The following PDE1A variants were observed in gnomAD, a reference collection of about 807,000 sequenced individuals.
PDE1A encodes phosphodiesterase 1A.
In PDE1A, 35 loss-of-function variants were observed where a neutral mutation model predicts 61.7. The ratio of observed to expected loss-of-function variants is 0.57; its 90% CI spans 0.43 to 0.75. PDE1A has a LOEUF of 0.75. PDE1A is among the 30% of genes least tolerant of loss of function. The pLI is 0.00. For missense variants in PDE1A, 597 were observed against 630.6 expected, an observed-to-expected ratio of 0.95 and a Z score of 0.57; for synonymous variants, 232 against 213.2, an observed-to-expected ratio of 1.09 and a Z score of -0.77.
At chr2:182,683,759 C>A in the PDE1A span, among the ~76,000 whole-genome samples, 2 of 152,074 alleles carry the variant, frequency 1.3e-5, no homozygotes, top group Admixed American at 1.3e-4. Context: ...AGGTAAAGAC[C>A]TGAAAATCAA....
Position 182,247,328 on chromosome 2 carries a change from T to C in PDE1A, c.168-7036A>G, listed in dbSNP as rs148147658. Among the ~76,000 whole-genome samples, 13 of 152,328 alleles carry C rather than the reference T, an allele frequency of 8.5e-5. No individual in the cohort carries two copies. The East Asian group carries it at 2.5e-3, about 29-fold the overall frequency. On this transcript the variant is annotated intron_variant, in intron 2 of 13. Transcript: ENST00000351439. ...TATTTCTGTCAAATATTAGCTCTTT[T>C]ATGCTCATTTATCACATAGAGAAGA... is the stretch of plus-strand genomic sequence containing the variant.
chr2:182,340,032 G>A (rs1302636951), intron 1 of PDE1A, among the ~76,000 whole-genome samples: 1 of 152,128 alleles, frequency 6.6e-6, no homozygotes, highest in Admixed American at 6.6e-5. Flanking sequence ...AGATGGCTGA[G>A]ATTATACTGT....
intron 2 of PDE1A, among the ~76,000 whole-genome samples, chr2:182,439,479 G>A (rs1684653164): frequency 6.6e-6 from 1 of 151,998 alleles, no homozygotes; most frequent in African/African-American, 2.4e-5. Flanking sequence ...AGAATTGGGA[G>A]TCAGGAGGAG....
chr2:182,193,207 C>T (rs774782483), intron 10 of PDE1A, among the ~76,000 whole-genome samples: 9 of 151,980 alleles, frequency 5.9e-5, no homozygotes, highest in Non-Finnish European at 1.0e-4. Flanking sequence ...AGGTTGGTCT[C>T]GAACTCCTGA....
chr2:182,144,067 T>C (rs573730360), downstream of PDE1A, among the ~76,000 whole-genome samples: 1 of 152,308 alleles, frequency 6.6e-6, no homozygotes, highest in East Asian at 1.9e-4. Flanking sequence ...AAGCCCTGCC[T>C]AAAGATATTC....
At chr2:182,231,870 G>A (rs982389968) in intron 4 of PDE1A, among the ~76,000 whole-genome samples, 1 of 152,016 alleles carries the variant, frequency 6.6e-6, no homozygotes, top group African/African-American at 2.4e-5. Context: ...AGCCAAGATC[G>A]CACTACTGCA....
At chr2:182,605,533 T>C in the PDE1A span, among the ~76,000 whole-genome samples, 37 of 152,256 alleles carry the variant, frequency 2.4e-4, no homozygotes, top group Admixed American at 2.3e-3. Flanking sequence ...ACATCTCCAA[T>C]GGATGGCCTC....
chr2:182,512,864 G>A (rs1160625314), intron 2 of PDE1A, among the ~76,000 whole-genome samples: 2 of 152,124 alleles, frequency 1.3e-5, no homozygotes, highest in Non-Finnish European at 1.5e-5. Context: ...ACAGCTCAAA[G>A]TCCGATTCCT....
intron 2 of PDE1A, among the ~76,000 whole-genome samples, chr2:182,472,876 T>C (rs574211503): frequency 9.9e-5 from 15 of 151,890 alleles, no homozygotes; most frequent in African/African-American, 3.4e-4. Flanking sequence ...GGAGAAGAAC[T>C]TCTTTAACAT....
At chr2:182,515,259 T>C (rs1417686657) in intron 2 of PDE1A, among the ~76,000 whole-genome samples, 4 of 152,358 alleles carry the variant, frequency 2.6e-5, no homozygotes, top group African/African-American at 7.2e-5. Flanking sequence ...TATAATTTAC[T>C]TTTTTGTTGT....
At chr2:182,496,343 T>C (rs1453439780) in intron 2 of PDE1A, among the ~76,000 whole-genome samples, 3 of 152,240 alleles carry the variant, frequency 2.0e-5, no homozygotes, top group Non-Finnish European at 2.9e-5. Context: ...TTTTAGATAA[T>C]CATTCCATTT....
intron 1 of PDE1A, among the ~76,000 whole-genome samples, chr2:182,364,300 C>T (rs948726647): frequency 1.3e-5 from 2 of 151,624 alleles, no homozygotes; most frequent in Admixed American, 6.6e-5. Flanking sequence ...CCCCAGCTTA[C>T]ACCCTATCCC....
the PDE1A span, among the ~76,000 whole-genome samples, chr2:182,591,004 G>A: frequency 6.6e-6 from 1 of 152,152 alleles, no homozygotes; most frequent in Non-Finnish European, 1.5e-5. Flanking sequence ...CATAGAAGAT[G>A]CTCAATATAA....
At chr2:182,714,992 C>T in the PDE1A span, among the ~76,000 whole-genome samples, 469 of 152,308 alleles carry the variant, frequency 3.1e-3, 3 homozygotes, top group African/African-American at 0.011. Context: ...TTTTTAAAAG[C>T]TTCCTCATCA....
chr2:182,511,203 G>A (rs1320060781), intron 2 of PDE1A, among the ~76,000 whole-genome samples: 2 of 151,598 alleles, frequency 1.3e-5, no homozygotes, highest in East Asian at 3.9e-4. Context: ...AGTCAAGATG[G>A]TCAACTAGAT....
intron 10 of PDE1A, among the ~76,000 whole-genome samples, chr2:182,199,658 T>C (rs1460755212): frequency 6.6e-6 from 1 of 152,254 alleles, no homozygotes; most frequent in East Asian, 1.9e-4. Context: ...TTATAATTTT[T>C]AATTGACCAT....
chr2:182,510,177 T>C (rs1689694343), intron 2 of PDE1A, among the ~76,000 whole-genome samples: 1 of 152,084 alleles, frequency 6.6e-6, no homozygotes, highest in Admixed American at 6.5e-5. Flanking sequence ...TAAAATAAAA[T>C]TTGATCTTTT....
chr2:182,296,624 C>T (rs546738736), intron 1 of PDE1A, among the ~76,000 whole-genome samples: 1 of 152,250 alleles, frequency 6.6e-6, no homozygotes, highest in Non-Finnish European at 1.5e-5. Flanking sequence ...GTGAGGAACA[C>T]CTAGCAAAAT....
At chr2:182,562,516 CT>C in the PDE1A span, among the ~76,000 whole-genome samples, 1 of 151,570 alleles carries the variant, frequency 6.6e-6, no homozygotes, top group African/African-American at 2.4e-5. Context: ...CTAAAATTCT[CT>C]TTTTTGGTTG....
Sources: allele counts gnomAD v4.1 joint callset (sites outside exome capture counted in the v4.1 genomes callset), GRCh38; gene constraint gnomAD v4.1.1; transcripts MANE v1.5; gene names NCBI Gene and HGNC (gene_info 2026-07-23, HGNC 2026-07-21).